JMJD1C: variants seen among roughly 807,000 people sequenced by gnomAD.
JMJD1C encodes the protein jumonji domain-containing protein 1C.
A neutral mutation model predicts 245.3 loss-of-function variants in JMJD1C; 31 were observed. The observed-to-expected ratio is 0.13, with a 90% CI of 0.09 to 0.17. The LOEUF (loss-of-function observed/expected upper bound fraction) is 0.17, where lower values mean the gene tolerates loss of function less well. Ranked by LOEUF, JMJD1C falls within the 10% of genes least tolerant of loss-of-function variation. JMJD1C has a pLI of 1.00. For missense variants in JMJD1C, 2,691 were observed against 3,000.2 expected, an observed-to-expected ratio of 0.90 and a Z score of 2.41; for synonymous variants, 1,057 against 1,017.4, an observed-to-expected ratio of 1.04 and a Z score of -0.74.
intron 1 of JMJD1C, among the ~76,000 whole-genome samples, chr10:63,487,619 TAA>T: frequency 6.6e-6 from 1 of 152,256 alleles, no homozygotes; most frequent in East Asian, 1.9e-4. Context: ...ACAAGAAAGT[TAA>T]AAGACACTGA....
At chr10:63,186,952 GGCTGAGCTGGGAGGATT>G (rs1331996783) in intron 18 of JMJD1C, among the ~76,000 whole-genome samples, 5 of 152,146 alleles carry the variant, frequency 3.3e-5, no homozygotes, top group African/African-American at 7.2e-5. Context: ...CAGCTCCCAA[GGCTGAGCTGGGAGGATT>G]GCTTGAGCCC....
Position 63,394,308 on chromosome 10 carries a change from T to A in JMJD1C, c.169-13826A>T, listed in dbSNP as rs538503161. Among the ~76,000 whole-genome samples, 344 of 152,196 alleles carry A rather than the reference T, an allele frequency of 2.3e-3. 1 individual carries two copies. Among genetic ancestry groups the A allele is most frequent in the Non-Finnish European group, 4.3e-3 (295 of 68,004 alleles). ...AACAGAACTGACAATTGAATTTTTT[T>A]AAAAAATGTGCAAAGGTAATTCAAA... On this transcript the variant is annotated intron_variant, in intron 1 of 25. Coordinates refer to ENST00000399262, the MANE Select transcript of JMJD1C (RefSeq NM_032776.3).
In JMJD1C at chr10:63,285,212, TTAA is replaced by T. The variant is rs1857851812; in HGVS notation, c.334-20451_334-20449del. Among the ~76,000 whole-genome samples, 4 of 152,238 alleles carry T rather than the reference TTAA, an allele frequency of 2.6e-5. No individual in the cohort carries two copies. In the South Asian group the frequency reaches 8.3e-4, roughly 32 times the overall value. ...TGTAGCACGCACGACAGAAAAAGCA[TTAA>T]TGACTTAACAACACCTGGAACCAAT... On this transcript the variant is annotated intron_variant, in intron 2 of 25. Transcript: ENST00000399262.
rs116701762 is a variant in JMJD1C, at chr10:63,497,680, G to T, written n.113+24058C>A. Among the ~76,000 whole-genome samples the T allele has an allele frequency of 7.1e-3, 1,082 of 152,272 alleles. 17 individuals carry two copies. The highest frequency in any genetic ancestry group is 0.025 in the African/African-American group (1,057 of 41,554). On this transcript the variant is annotated intron_variant and non_coding_transcript_variant, in intron 1 of 3. Coordinates refer to the JMJD1C transcript ENST00000633035. ...TAAAGCTATTATTTTAAAAGTCTATGAATGAATGGTTTTAGAAAGTTAAGA... is the reference window on the plus strand; with the variant it reads ...TAAAGCTATTATTTTAAAAGTCTATTAATGAATGGTTTTAGAAAGTTAAGA...
intron 1 of JMJD1C, among the ~76,000 whole-genome samples, chr10:63,450,679 G>A (rs1217695163): frequency 1.3e-5 from 2 of 152,056 alleles, no homozygotes; most frequent in South Asian, 2.1e-4. Flanking sequence ...ACAGCATAAT[G>A]AAGGCCAGGT....
chr10:63,448,778 G>C (rs1161880252), intron 1 of JMJD1C, among the ~76,000 whole-genome samples: 1 of 152,080 alleles, frequency 6.6e-6, no homozygotes. Flanking sequence ...AAACACATTG[G>C]GATTGTATTG....
At chr10:63,461,828 A>G (rs993676483) in intron 1 of JMJD1C, among the ~76,000 whole-genome samples, 1 of 152,204 alleles carries the variant, frequency 6.6e-6, no homozygotes, top group African/African-American at 2.4e-5. Flanking sequence ...GGATGAATGG[A>G]TGGATAGATA....
chr10:63,359,813 T>C (rs548692509), intron 2 of JMJD1C, among the ~76,000 whole-genome samples: 15 of 152,188 alleles, frequency 9.9e-5, no homozygotes, highest in Non-Finnish European at 1.8e-4. Flanking sequence ...GAATTTAAAC[T>C]CTTTTTTAAG....
intron 2 of JMJD1C, among the ~76,000 whole-genome samples, chr10:63,357,947 T>A (rs1213489524): frequency 5.5e-5 from 8 of 144,236 alleles, no homozygotes; most frequent in Non-Finnish European, 4.5e-5. Context: ...AAGAACTAAA[T>A]AAAAAAAAAA....
intron 2 of JMJD1C, among the ~76,000 whole-genome samples, chr10:63,336,348 C>G (rs1468980548): frequency 1.3e-5 from 2 of 152,116 alleles, no homozygotes; most frequent in Non-Finnish European, 2.9e-5. Context: ...ATCCCAGCTA[C>G]TTGGGAGGCT....
intron 1 of JMJD1C, among the ~76,000 whole-genome samples, chr10:63,507,644 CA>C (rs34738955): frequency 4.6e-4 from 27 of 58,754 alleles, no homozygotes; most frequent in African/African-American, 1.8e-3. Flanking sequence ...GACTCTGTCT[CA>C]AAAAAAAAAA....
At position 63,214,134 on chromosome 10, in the gene JMJD1C, T is replaced by C. The variant is rs1452241572; in HGVS notation, c.2033A>G (p.Glu678Gly). The part of the protein sequence containing the change: ...TGERRLANKI[E>G]HELSRCSFHP... ...AAAACTGCATCTTGATAGCTCATGT[T>C]CTATCTTATTTGCCAATCTTCTTTC... The change falls in exon 8 of 26, where the codon GAA becomes GGA. Residue 678 changes from glutamate to glycine, a missense_variant. This residue lies in a region of JMJD1C where 1,562 missense variants were observed against 1,490.7 expected (regional missense o/e 1.05). Transcript: ENST00000399262. 1 of 1,614,214 alleles carries C rather than the reference T, an allele frequency of 6.2e-7. No homozygotes were observed. The highest frequency in any genetic ancestry group is 8.5e-7 in the Non-Finnish European group (1 of 1,180,028).
intron 3 of JMJD1C, among the ~76,000 whole-genome samples, chr10:63,230,847 T>C (rs1212899730): frequency 3.3e-5 from 5 of 151,892 alleles, no homozygotes; most frequent in Admixed American, 6.6e-5. Context: ...CAAATGCTAG[T>C]GGGAGAAAGG....
intron 1 of JMJD1C, among the ~76,000 whole-genome samples, chr10:63,409,346 TCCAGGAAAAA>T (rs1273182354): frequency 1.3e-5 from 2 of 152,128 alleles, no homozygotes; most frequent in Non-Finnish European, 2.9e-5. Flanking sequence ...TTAGGGCCCA[TCCAGGAAAAA>T]CCAACACATA....
rs1554937972 is a variant in JMJD1C at position 63,440,353 on chromosome 10, A to AAAAT, written c.168+25141_168+25142insATTT. Among the ~76,000 whole-genome samples, 285 of 120,234 alleles carry AAAAT rather than the reference A, an allele frequency of 2.4e-3. 1 individual carries two copies. Among genetic ancestry groups the AAAAT allele is most frequent in the South Asian group, 5.0e-3 (18 of 3,616 alleles). 78.9% of individuals were successfully genotyped at this position (120,234 alleles called of 152,430 possible). A position where few individuals can be genotyped will look rare whatever the true frequency, so the allele number is the denominator to read the frequency against. On this transcript the variant is annotated intron_variant, in intron 1 of 25. Transcript: ENST00000399262. ...TCTGTCTCAAAAGAAAAAAAAAAAAAATATATATATATAGAGAGAGAGAGA... is the reference window on the plus strand; with the variant it reads ...TCTGTCTCAAAAGAAAAAAAAAAAAAAAATATATATATATATAGAGAGAGAGAGA...
intron 2 of JMJD1C, among the ~76,000 whole-genome samples, chr10:63,277,727 A>ATTTTTTTTTTTTTT (rs1389505532): frequency 6.0e-5 from 5 of 83,152 alleles, no homozygotes; most frequent in East Asian, 3.6e-4. Flanking sequence ...AGTAATTTGC[A>ATTTTTTTTTTTTTT]TTTCTTTTTT....
At position 63,198,582 on chromosome 10, in the gene JMJD1C, T is replaced by C; in HGVS notation, c.5422A>G (p.Ile1808Val). The change falls in exon 12 of 26, where the codon ATA (isoleucine) becomes GTA (valine). Residue 1808 changes from isoleucine (I) to valine (V), a missense_variant. Transcript: ENST00000399262. Reference sequence around the variant, plus strand: ...AATTGACAGAACTTATCACCTATTATATCCAAGATATATTTAGAAGTCTCT... The same window carrying C: ...AATTGACAGAACTTATCACCTATTACATCCAAGATATATTTAGAAGTCTCT... ...DIETSKYILDIIGDKFCQLVT... is the reference protein window; with the variant it reads ...DIETSKYILDVIGDKFCQLVT... 6.2e-7 allele frequency: 1 copy of C among 1,610,754 alleles called. No homozygotes were observed. The highest frequency in any genetic ancestry group is 8.5e-7 in the Non-Finnish European group (1 of 1,177,644).
chr10:63,227,308 G>GCT (rs2133356476), intron 3 of JMJD1C, among the ~76,000 whole-genome samples: 1 of 152,192 alleles, frequency 6.6e-6, no homozygotes, highest in African/African-American at 2.4e-5. Flanking sequence ...AAGGTAGAGT[G>GCT]CTCCTTGCCA....
chr10:63,353,460 G>C (rs897623517), intron 2 of JMJD1C, among the ~76,000 whole-genome samples: 5 of 152,108 alleles, frequency 3.3e-5, no homozygotes, highest in Admixed American at 1.3e-4. Flanking sequence ...ATTTTTATTT[G>C]GAAATATATT....
Sources: allele counts gnomAD v4.1 joint callset (sites outside exome capture counted in the v4.1 genomes callset), GRCh38; gene constraint gnomAD v4.1.1; regional missense constraint gnomAD v4.1.1; transcripts MANE v1.5; gene names NCBI Gene and HGNC (gene_info 2026-07-23, HGNC 2026-07-21).